The following KCNK3 variants were observed in gnomAD, a reference collection of about 807,000 sequenced individuals.
KCNK3 encodes potassium two pore domain channel subfamily K member 3.
A neutral mutation model predicts 27.3 loss-of-function variants in KCNK3; 9 were observed. The ratio of observed to expected loss-of-function variants is 0.33; its 90% CI spans 0.20 to 0.57. The LOEUF (loss-of-function observed/expected upper bound fraction) is 0.57. KCNK3 is among the 20% of genes least tolerant of loss of function. The pLI is 0.87. For missense variants in KCNK3, 391 were observed against 577.7 expected, an observed-to-expected ratio of 0.68 and a Z score of 3.31; for synonymous variants, 278 against 273.8, an observed-to-expected ratio of 1.02 and a Z score of -0.15.
In KCNK3 at chr2:26,729,472, A is replaced by C. The variant is rs919299517; in HGVS notation, c.*904A>C. 1 of 152,130 alleles carries C rather than the reference A, an allele frequency of 6.6e-6. No homozygotes were observed. The highest frequency in any genetic ancestry group is 1.5e-5 in the Non-Finnish European group (1 of 68,034). 9.4% of individuals were successfully genotyped at this position (152,130 alleles called of 1,614,324 possible). A position where few individuals can be genotyped will look rare whatever the true frequency, so the allele number is the denominator to read the frequency against. Reference sequence around the variant, plus strand: ...ACCCTACTTAGGTCATCAGGGCAGGAGTTCTCACTCCCATTTTACAGATGA... The same window carrying C: ...ACCCTACTTAGGTCATCAGGGCAGGCGTTCTCACTCCCATTTTACAGATGA... On this transcript the variant is annotated 3_prime_UTR_variant, in exon 2 of 2. Transcript: ENST00000302909.
intron 1 of KCNK3, among the ~76,000 whole-genome samples, chr2:26,709,424 C>G (rs141386405): frequency 1.7e-3 from 262 of 152,250 alleles, no homozygotes; most frequent in African/African-American, 5.9e-3. Context: ...GGAAGGAGGC[C>G]TGGGCACTGT....
intron 1 of KCNK3, among the ~76,000 whole-genome samples, chr2:26,722,004 T>G (rs529744516): frequency 6.6e-6 from 1 of 152,314 alleles, no homozygotes; most frequent in African/African-American, 2.4e-5. Context: ...CAGAGGTTCT[T>G]GATACTGCAC....
At chr2:26,717,116 A>C (rs911904098) in intron 1 of KCNK3, among the ~76,000 whole-genome samples, 6 of 152,236 alleles carry the variant, frequency 3.9e-5, no homozygotes, top group African/African-American at 7.2e-5. Flanking sequence ...GACCCCTGTC[A>C]TACAGCAAGG....
At chr2:26,712,001 G>T (rs1663126372) in intron 1 of KCNK3, among the ~76,000 whole-genome samples, 1 of 152,160 alleles carries the variant, frequency 6.6e-6, no homozygotes, top group African/African-American at 2.4e-5. Context: ...GGACACCAGT[G>T]CATAAACAGG....
At chr2:26,724,197 C>T (rs1461398843) in intron 1 of KCNK3, among the ~76,000 whole-genome samples, 2 of 152,234 alleles carry the variant, frequency 1.3e-5, no homozygotes, top group African/African-American at 2.4e-5. Context: ...TGCCCTTTCA[C>T]CCAGTGACAA....
rs149783407 is a variant in KCNK3 at position 26,700,299 on chromosome 2, C to A, written c.283+7141C>A. The stretch of plus-strand genomic sequence containing the variant: ...GCACAAAGAGCAGTCAACCGCCCAG[C>A]TGATGCCACCGCCTCCCTGTCTGTC... On this transcript the variant is annotated intron_variant, in intron 1 of 1. Coordinates refer to ENST00000302909, the MANE Select transcript of KCNK3 (RefSeq NM_002246.3). Among the ~76,000 whole-genome samples, 328 of 152,382 alleles carry A rather than the reference C, an allele frequency of 2.2e-3. 6 individuals are homozygous for A. In the East Asian group the frequency reaches 0.047, roughly 22 times the overall value.
intron 1 of KCNK3, among the ~76,000 whole-genome samples, chr2:26,706,265 G>C (rs1476838083): frequency 1.3e-5 from 2 of 152,106 alleles, no homozygotes; most frequent in Non-Finnish European, 2.9e-5. Flanking sequence ...GAGTCAGTGG[G>C]TGGCCCCCAG....
At chr2:26,715,082 T>A (rs928725108) in intron 1 of KCNK3, among the ~76,000 whole-genome samples, 2 of 152,208 alleles carry the variant, frequency 1.3e-5, no homozygotes, top group Non-Finnish European at 1.5e-5. Flanking sequence ...CCTTCTGGCA[T>A]GCAGCATCCA....
At chr2:26,695,993 C>T (rs1405627188) in intron 1 of KCNK3, among the ~76,000 whole-genome samples, 1 of 151,888 alleles carries the variant, frequency 6.6e-6, no homozygotes, top group Non-Finnish European at 1.5e-5. Flanking sequence ...CTAAGAAAAA[C>T]CTATTTGGGC....
chr2:26,701,879 G>A (rs762496949), intron 1 of KCNK3, among the ~76,000 whole-genome samples: 40 of 152,176 alleles, frequency 2.6e-4, no homozygotes, highest in Non-Finnish European at 4.9e-4. Flanking sequence ...GGCGGAGATT[G>A]CAGTGAGCCA....
At chr2:26,700,232 T>C (rs1375154402) in intron 1 of KCNK3, among the ~76,000 whole-genome samples, 2 of 152,230 alleles carry the variant, frequency 1.3e-5, no homozygotes, top group Non-Finnish European at 2.9e-5. Context: ...TCCGCCAGCC[T>C]CTGGTCCTCA....
At position 26,721,967 on chromosome 2, in the gene KCNK3, A is replaced by G. The variant is rs1466046005; in HGVS notation, c.284-5700A>G. Among the ~76,000 whole-genome samples, 1 of 152,246 alleles carries G rather than the reference A, an allele frequency of 6.6e-6. No individual in the cohort carries two copies. The highest frequency in any genetic ancestry group is 1.5e-5 in the Non-Finnish European group (1 of 68,042). On this transcript the variant is annotated intron_variant, in intron 1 of 1. Transcript: ENST00000302909. This position sits in a 1 kb window ranked among gnomAD's most constrained non-coding sequence, Gnocchi z 4.3. ...CCAGAGAAGGAGATCAAAGAATCAT[A>G]TCGTCAGAGACCTGGGGGAAGGACC...
intron 1 of KCNK3, among the ~76,000 whole-genome samples, chr2:26,718,420 T>C (rs1663269873): frequency 1.3e-5 from 2 of 152,214 alleles, no homozygotes; most frequent in African/African-American, 4.8e-5. Flanking sequence ...CAGAAGAACT[T>C]GTGCTGTTTT....
At chr2:26,699,625 C>G (rs1476290149) in intron 1 of KCNK3, among the ~76,000 whole-genome samples, 1 of 152,194 alleles carries the variant, frequency 6.6e-6, no homozygotes, top group Non-Finnish European at 1.5e-5. Context: ...CAAGTGGAGA[C>G]CAGACTCTAA....
Position 26,692,750 on chromosome 2 carries a change from G to A in KCNK3, c.-126G>A, listed in dbSNP as rs1386935034. ...GGCGGCGGCCCCGGGCGCTGAGCGG[G>A]TGCCCGGCGCGGAGAGCGGCGAGCG... On this transcript the variant is annotated 5_prime_UTR_variant, in exon 1 of 2. In the 5' UTR this introduces an upstream ATG that the reference lacks. Coordinates refer to ENST00000302909, the MANE Select transcript of KCNK3 (RefSeq NM_002246.3). This position sits in a 1 kb window ranked among gnomAD's most constrained non-coding sequence, Gnocchi z 5.6. The A allele has an allele frequency of 7.4e-6, 3 of 408,134 alleles. No homozygotes were observed. In the East Asian group the frequency reaches 4.8e-4, roughly 65 times the overall value. 25.3% of individuals were successfully genotyped at this position (408,134 alleles called of 1,614,324 possible). A position where few individuals can be genotyped will look rare whatever the true frequency, so the allele number is the denominator to read the frequency against.
chr2:26,695,766 G>A (rs1349178354), intron 1 of KCNK3, among the ~76,000 whole-genome samples: 1 of 152,202 alleles, frequency 6.6e-6, no homozygotes, highest in African/African-American at 2.4e-5. Flanking sequence ...TCCTCACCAA[G>A]AGAGACGCTA....
chr2:26,694,285 A>G (rs763264979), intron 1 of KCNK3, among the ~76,000 whole-genome samples: 2 of 152,062 alleles, frequency 1.3e-5, no homozygotes, highest in Non-Finnish European at 2.9e-5. Flanking sequence ...CCCAAAGCCC[A>G]TTGAGATGCC....
chr2:26,703,884 G>T (rs537051217), intron 1 of KCNK3, among the ~76,000 whole-genome samples: 4 of 152,306 alleles, frequency 2.6e-5, no homozygotes, highest in Non-Finnish European at 5.9e-5. Flanking sequence ...CATGACACAC[G>T]CCAGGGCATG....
rs145906039 is a variant in KCNK3, at chr2:26,702,140, G to A, written c.283+8982G>A. On this transcript the variant is annotated intron_variant, in intron 1 of 1. Coordinates refer to ENST00000302909, the MANE Select transcript of KCNK3 (RefSeq NM_002246.3). ...TCCACCCTCGAGTAGGCCCCAGTGT[G>A]TGTGGATCCAGTGGCTGTGAGAGCT... Among the ~76,000 whole-genome samples, 682 of 152,270 alleles carry A rather than the reference G, an allele frequency of 4.5e-3. 6 individuals are homozygous for A. The highest frequency in any genetic ancestry group is 0.016 in the African/African-American group (653 of 41,532).
Sources: allele counts gnomAD v4.1 joint callset (sites outside exome capture counted in the v4.1 genomes callset), GRCh38; gene constraint gnomAD v4.1.1; non-coding constraint Gnocchi (gnomAD v3.1); transcripts MANE v1.5; gene names NCBI Gene and HGNC (gene_info 2026-07-23, HGNC 2026-07-21).